Variants in EIF3F observed in about 807,000 individuals in gnomAD.
EIF3F encodes deubiquitinating enzyme eIF3f.
Under a neutral mutation model 36.0 loss-of-function variants are expected in EIF3F, and 8 were observed. That is an observed-to-expected ratio of 0.22 (90% CI 0.13 to 0.40). The LOEUF is 0.40. EIF3F is among the 10% of genes least tolerant of loss of function. The probability of loss-of-function intolerance (pLI) is 1.00; values close to 1 mark genes in which losing one functional copy is unlikely to be tolerated. For synonymous variants in EIF3F, 184 were observed against 188.5 expected (o/e 0.98, Z 0.19); for missense variants, 430 against 467.6 (o/e 0.92, Z 0.74).
At chr11:7,993,113 G>A in intron 4 of EIF3F, 89 bp downstream of exon 4, 1 of 1,418,134 alleles carries the variant, frequency 7.1e-7, no homozygotes. Context: ...CCTTCCATGT[G>A]TAACTTGCTG....
chr11:7,990,836 G>A (rs1477259294), intron 1 of EIF3F, among the ~76,000 whole-genome samples: 1 of 150,440 alleles, frequency 6.6e-6, no homozygotes, highest in Non-Finnish European at 1.5e-5. Context: ...TCAACGTAGT[G>A]GTCTTAGGTC....
intron 3 of EIF3F, 109 bp downstream of exon 3, chr11:7,992,272 T>C (rs1356123335): frequency 2.1e-6 from 2 of 972,310 alleles, no homozygotes; most frequent in African/African-American, 3.3e-5. Flanking sequence ...GGCAAGAGTA[T>C]TGCAAGTGTA....
Position 8,000,767 on chromosome 11 carries a change from G to A in EIF3F, c.*4745G>A, listed in dbSNP as rs554970515. On this transcript the variant is annotated 3_prime_UTR_variant, in exon 8 of 8. Transcript: ENST00000651655. ...GGAAACAATGTTGGATTCCTACTTCGTTACCTGCACCAAAATAAGTTGCTC... is the reference window on the plus strand; with the variant it reads ...GGAAACAATGTTGGATTCCTACTTCATTACCTGCACCAAAATAAGTTGCTC... 3 of 151,886 alleles carry A rather than the reference G, an allele frequency of 2.0e-5. No homozygotes were observed. The highest frequency in any genetic ancestry group is 6.6e-5 in the Admixed American group (1 of 15,244). The allele number at this position is 151,886 out of a possible 1,614,324, so 9.4% of individuals were successfully genotyped here. A position where few individuals can be genotyped will look rare whatever the true frequency, so the allele number is the denominator to read the frequency against.
Position 7,993,041 on chromosome 11 carries a change from G to T in EIF3F, c.653+17G>T. On this transcript the variant is annotated intron_variant, in intron 4 of 7. Transcript: ENST00000651655. ...CTACGTCAGGTGACCACAGTCTTGG[G>T]CTACAAGGGCATAAAACCATGCCCA... is the stretch of plus-strand genomic sequence containing the variant. The T allele has an allele frequency of 6.4e-7, 1 of 1,562,640 alleles. No individual in the cohort carries two copies. The highest frequency in any genetic ancestry group is 8.7e-7 in the Non-Finnish European group (1 of 1,155,030).
Position 7,992,007 on chromosome 11 carries a change from G to A in EIF3F, c.436-77G>A, listed in dbSNP as rs996943849. 9.3e-6 allele frequency: 14 copies of A among 1,510,032 alleles called. No homozygotes were observed. The Admixed American group carries it at 2.3e-4, about 24-fold the overall frequency. The allele number at this position is 1,510,032 out of a possible 1,614,324, so 93.5% of individuals were successfully genotyped here. ...CCTGGGCCTCTTCTGTTTATTGGGG[G>A]TGGCCTCTTGTCCTTTTTAACCAAT... is the stretch of plus-strand genomic sequence containing the variant. On this transcript the variant is annotated intron_variant, in intron 2 of 7. Coordinates refer to ENST00000651655, the MANE Select transcript of EIF3F (RefSeq NM_003754.3).
chr11:7,994,031 G>C (rs777958046), intron 4 of EIF3F, among the ~76,000 whole-genome samples: 1 of 152,148 alleles, frequency 6.6e-6, no homozygotes, highest in Non-Finnish European at 1.5e-5. Flanking sequence ...GGCAGGAGTT[G>C]GTTTCCTTTT....
chr11:7,995,955 T>C lies in EIF3F; in HGVS notation c.1007T>C (p.Met336Thr), dbSNP rs1198678739. Reference sequence around the variant, plus strand: ...TTCTTTGTCTTCCAGGACCTTTTGATGGTGACCTACCTGGCCAACCTCACA... The same window carrying C: ...TTCTTTGTCTTCCAGGACCTTTTGACGGTGACCTACCTGGCCAACCTCACA... ...MLNSNINDLLMVTYLANLTQS... is the reference protein window; with the variant it reads ...MLNSNINDLLTVTYLANLTQS... Residue 336 changes from methionine to threonine, a missense_variant, in exon 8 of 8, where the codon ATG (methionine) becomes ACG (threonine). Met to Thr is a moderately conservative substitution (Grantham distance 81). This residue lies in a region of EIF3F where 262 missense variants were observed against 347.4 expected (regional missense o/e 0.75). Coordinates refer to ENST00000651655, the MANE Select transcript of EIF3F (RefSeq NM_003754.3). The C allele has an allele frequency of 9.9e-6, 16 of 1,613,956 alleles. No individual in the cohort carries two copies. The highest frequency in any genetic ancestry group is 1.4e-5 in the Non-Finnish European group (16 of 1,179,834).
chr11:7,995,575 G>A, intron 7 of EIF3F: 1 of 604,256 alleles, frequency 1.7e-6, no homozygotes, highest in Non-Finnish European at 3.0e-6. Context: ...TGATTCCATT[G>A]TCTCATTTAC....
At chr11:7,988,044 C>A in intron 1 of EIF3F, 1 of 210,556 alleles carries the variant, frequency 4.7e-6, no homozygotes, top group Non-Finnish European at 9.3e-6. Context: ...CAGTTTATGG[C>A]AAGTATGATG....
At position 7,999,645 on chromosome 11, in the gene EIF3F, A is replaced by G. The variant is rs966009041; in HGVS notation, c.*3623A>G. On this transcript the variant is annotated 3_prime_UTR_variant, in exon 8 of 8. Transcript: ENST00000651655. ...TGGTCCATAAAAGAACATAAAACCA[A>G]ATAGTTCAGTAGACTCAAAATGCAA... is the stretch of plus-strand genomic sequence containing the variant. 1 of 151,898 alleles carries G rather than the reference A, an allele frequency of 6.6e-6. No homozygotes were observed. The highest frequency in any genetic ancestry group is 1.5e-5 in the Non-Finnish European group (1 of 68,008). 9.4% of individuals were successfully genotyped at this position (151,898 alleles called of 1,614,324 possible).
chr11:7,992,847 A>G, intron 3 of EIF3F, 40 bp from the exon 4 acceptor site: 1 of 1,612,832 alleles, frequency 6.2e-7, no homozygotes, highest in Non-Finnish European at 8.5e-7. Flanking sequence ...TATTGACGCC[A>G]CATATAGACA....
rs907714718 is a variant in EIF3F, at chr11:8,000,582, G to A, written c.*4560G>A. On this transcript the variant is annotated 3_prime_UTR_variant, in exon 8 of 8. Transcript: ENST00000651655. ...TGATGGATGTAACTAGCTTGATTGT[G>A]GTAATCAATTTCGCAATGTGTACAT... 1 of 152,084 alleles carries A rather than the reference G, an allele frequency of 6.6e-6. No individual in the cohort carries two copies. 9.4% of individuals were successfully genotyped at this position (152,084 alleles called of 1,614,324 possible).
At position 7,995,134 on chromosome 11, in the gene EIF3F, AAAAAC is replaced by A. The variant is rs748528533; in HGVS notation, c.882+20_882+24del. The A allele has an allele frequency of 3.1e-6, 5 of 1,612,960 alleles. No homozygotes were observed. In the African/African-American group the frequency reaches 5.3e-5, roughly 17 times the overall value. On this transcript the variant is annotated intron_variant, in intron 6 of 7. Coordinates refer to ENST00000651655, the MANE Select transcript of EIF3F (RefSeq NM_003754.3). ...GGATGTACTGGTGAGAGGGGAAAGA[AAAAAC>A]AAAGGGGGAGGACATAGTTCTCTAT...
At position 8,001,433 on chromosome 11, in the gene EIF3F, G is replaced by C. The variant is rs1942220199; in HGVS notation, c.*5411G>C. ...CACAATGTAATGAATACATAGATAAGTACTGAAATACTTGGTTATCATAGC... is the reference window on the plus strand; with the variant it reads ...CACAATGTAATGAATACATAGATAACTACTGAAATACTTGGTTATCATAGC... On this transcript the variant is annotated 3_prime_UTR_variant, in exon 8 of 8. Transcript: ENST00000651655. The C allele has an allele frequency of 1.3e-5, 2 of 152,082 alleles. No individual in the cohort carries two copies. Among genetic ancestry groups the C allele is most frequent in the Admixed American group, 1.3e-4 (2 of 15,268 alleles). 9.4% of individuals were successfully genotyped at this position (152,082 alleles called of 1,614,324 possible).
chr11:7,994,619 G>A, intron 5 of EIF3F, 102 bp downstream of exon 5: 1 of 1,081,276 alleles, frequency 9.2e-7, no homozygotes, highest in Non-Finnish European at 1.4e-6. Context: ...GTTTGAAAAG[G>A]GACTATTGAT....
chr11:7,990,900 T>A (rs10839959), intron 1 of EIF3F, among the ~76,000 whole-genome samples: 4,501 of 136,764 alleles, frequency 0.033, 78 homozygotes, highest in Non-Finnish European at 0.038. Context: ...AATAAATAAA[T>A]AAAAGAAATA....
chr11:7,988,249 A>G (rs762813720), intron 1 of EIF3F, among the ~76,000 whole-genome samples: 1 of 152,100 alleles, frequency 6.6e-6, no homozygotes, highest in African/African-American at 2.4e-5. Flanking sequence ...CAACAAGTAA[A>G]CCGGTTTGGT....
At position 8,001,128 on chromosome 11, in the gene EIF3F, G is replaced by C. The variant is rs1250190646; in HGVS notation, c.*5106G>C. The C allele has an allele frequency of 3.3e-5, 5 of 152,252 alleles. No homozygotes were observed. Among genetic ancestry groups the C allele is most frequent in the East Asian group, 3.9e-4 (2 of 5,182 alleles). 9.4% of individuals were successfully genotyped at this position (152,252 alleles called of 1,614,324 possible). A position where few individuals can be genotyped will look rare whatever the true frequency, so the allele number is the denominator to read the frequency against. ...GATATGACCAGACAGCTCACACACA[G>C]ACACACAAATGTGAAAAGATGCTTG... On this transcript the variant is annotated 3_prime_UTR_variant, in exon 8 of 8. Coordinates refer to ENST00000651655, the MANE Select transcript of EIF3F (RefSeq NM_003754.3).
Position 8,001,171 on chromosome 11 carries a change from T to C in EIF3F, c.*5149T>C, listed in dbSNP as rs1248286729. The C allele has an allele frequency of 6.6e-6, 1 of 152,210 alleles. No homozygotes were observed. The highest frequency in any genetic ancestry group is 1.5e-5 in the Non-Finnish European group (1 of 68,036). The allele number at this position is 152,210 out of a possible 1,614,324, so 9.4% of individuals were successfully genotyped here. ...GATGCTTGATCTCACTGATAAAGCATAAATTAAAACGATGTCATTTTTAAA... is the reference window on the plus strand; with the variant it reads ...GATGCTTGATCTCACTGATAAAGCACAAATTAAAACGATGTCATTTTTAAA... On this transcript the variant is annotated 3_prime_UTR_variant, in exon 8 of 8. Coordinates refer to ENST00000651655, the MANE Select transcript of EIF3F (RefSeq NM_003754.3).
Sources: allele counts gnomAD v4.1 joint callset (sites outside exome capture counted in the v4.1 genomes callset), GRCh38; gene constraint gnomAD v4.1.1; regional missense constraint gnomAD v4.1.1; transcripts MANE v1.5; gene names NCBI Gene and HGNC (gene_info 2026-07-23, HGNC 2026-07-21).